Variants in RGS22 observed in about 807,000 individuals in gnomAD.
RGS22 encodes the protein regulator of G-protein signaling 22.
RGS22 carries 148 observed loss-of-function variants against 172.9 expected under a neutral mutation model. The ratio of observed to expected loss-of-function variants is 0.86; its 90% confidence interval spans 0.75 to 0.98. The LOEUF (loss-of-function observed/expected upper bound fraction) is 0.98. Ranked by LOEUF, RGS22 falls within the 50% of genes least tolerant of loss-of-function variation. The pLI, the probability that RGS22 is intolerant of heterozygous loss-of-function variation, is 0.00. For missense variants in RGS22, 1,347 were observed against 1,440.8 expected (o/e 0.93, Z 1.05); for synonymous variants, 458 against 480.2 (o/e 0.95, Z 0.60).
At chr8:99,977,531 G>T (rs943295844) in intron 23 of RGS22, among the ~76,000 whole-genome samples, 2 of 151,950 alleles carry the variant, frequency 1.3e-5, no homozygotes, top group Non-Finnish European at 2.9e-5. Context: ...GCATGTGCTG[G>T]ACACTAGTGT....
chr8:100,013,621 C>T (rs1288109096), intron 14 of RGS22, among the ~76,000 whole-genome samples: 3 of 152,116 alleles, frequency 2.0e-5, no homozygotes, highest in Non-Finnish European at 4.4e-5. Flanking sequence ...TTAAATTTTG[C>T]TTTATGGTTT....
rs538020854 is a variant in RGS22 at position 99,964,507 on chromosome 8, C to G, written c.3615+828G>C. 5.3e-5 allele frequency among the ~76,000 whole-genome samples: 8 copies of G among 150,142 alleles called. No homozygotes were observed. The South Asian group carries it at 1.7e-3, about 32-fold the overall frequency. ...AAAAAAAAAAAAAAAAAAGCAGCAG[C>G]CTGATATCTCTAACTGGACCCTGAT... On this transcript the variant is annotated intron_variant, in intron 24 of 27. Coordinates refer to ENST00000360863, the MANE Select transcript of RGS22 (RefSeq NM_015668.5).
At chr8:99,997,269 C>T in intron 19 of RGS22, among the ~76,000 whole-genome samples, 1 of 152,008 alleles carries the variant, frequency 6.6e-6, no homozygotes, top group East Asian at 1.9e-4. Flanking sequence ...TGCTGGCCAC[C>T]TAAAGAATGC....
intron 14 of RGS22, among the ~76,000 whole-genome samples, chr8:100,031,018 G>C (rs186665544): frequency 3.5e-4 from 53 of 152,302 alleles, no homozygotes; most frequent in Admixed American, 2.6e-3. Context: ...ATTTATTTGA[G>C]AGAAGGATGA....
rs185725001 is a variant in RGS22, at chr8:99,967,761, C to A, written c.3520-2331G>T. Reference sequence around the variant, plus strand: ...GGGCTTATAGATCAAACTCCCAACTCCCTGGGACAGAGCACCTGGGGGACG... The same window carrying A: ...GGGCTTATAGATCAAACTCCCAACTACCTGGGACAGAGCACCTGGGGGACG... On this transcript the variant is annotated intron_variant, in intron 23 of 27. Coordinates refer to ENST00000360863, the MANE Select transcript of RGS22 (RefSeq NM_015668.5). Among the ~76,000 whole-genome samples the A allele has an allele frequency of 3.4e-3, 514 of 152,328 alleles. 2 individuals carry two copies. The highest frequency in any genetic ancestry group is 0.01 in the Middle Eastern group (3 of 294).
intron 14 of RGS22, among the ~76,000 whole-genome samples, chr8:100,023,636 C>T (rs1357846117): frequency 1.3e-5 from 2 of 152,052 alleles, no homozygotes; most frequent in African/African-American, 2.4e-5. Context: ...GGCCTCACCA[C>T]GTTGTTCATG....
chr8:100,006,110 C>G lies in RGS22; in HGVS notation c.2362-1G>C, dbSNP rs754999021. On this transcript the variant is annotated splice_acceptor_variant, in intron 15 of 27. Coordinates refer to ENST00000360863, the MANE Select transcript of RGS22 (RefSeq NM_015668.5). LOFTEE classifies it high-confidence loss of function. ...GTCGAGTTTCTTCCACCAGCTCCACCTAAAAAAAATAAATAAAGCTTGTGA... is the reference window on the plus strand; with the variant it reads ...GTCGAGTTTCTTCCACCAGCTCCACGTAAAAAAAATAAATAAAGCTTGTGA... The G allele has an allele frequency of 1.1e-4, 179 of 1,608,178 alleles. No homozygotes were observed. The highest frequency in any genetic ancestry group is 1.4e-4 in the Non-Finnish European group (163 of 1,176,994).
At chr8:99,962,018 T>C (rs1810251859) in intron 27 of RGS22, among the ~76,000 whole-genome samples, 1 of 152,142 alleles carries the variant, frequency 6.6e-6, no homozygotes, top group African/African-American at 2.4e-5. Flanking sequence ...CAAAACTGTA[T>C]AATCACCTCA....
intron 4 of RGS22, among the ~76,000 whole-genome samples, chr8:100,073,650 G>A (rs1162738349): frequency 6.6e-6 from 1 of 152,090 alleles, no homozygotes; most frequent in East Asian, 1.9e-4. Flanking sequence ...ACTCCTGAAC[G>A]CCCACTAGCG....
chr8:99,996,621 G>T, intron 19 of RGS22, 91 bp from the exon 20 acceptor site: 1 of 1,063,556 alleles, frequency 9.4e-7, no homozygotes, highest in Non-Finnish European at 1.4e-6. Context: ...ATGAGATAAA[G>T]GTTAACTTGG....
chr8:100,022,876 C>T (rs1243924621), intron 14 of RGS22, among the ~76,000 whole-genome samples: 1 of 152,002 alleles, frequency 6.6e-6, no homozygotes, highest in Non-Finnish European at 1.5e-5. Flanking sequence ...TACAGGTGCA[C>T]ACCACCAAAC....
At chr8:99,979,527 C>T (rs1159617827) in intron 22 of RGS22, among the ~76,000 whole-genome samples, 1 of 152,074 alleles carries the variant, frequency 6.6e-6, no homozygotes, top group Non-Finnish European at 1.5e-5. Flanking sequence ...TAAATAATGG[C>T]TTTAGTATGA....
chr8:100,054,597 A>G (rs2131719307), intron 9 of RGS22, among the ~76,000 whole-genome samples: 1 of 152,276 alleles, frequency 6.6e-6, no homozygotes, highest in South Asian at 2.1e-4. Flanking sequence ...TGTCTCTAAG[A>G]AAATTTAAAA....
At chr8:100,017,907 T>C (rs1563621803) in intron 14 of RGS22, among the ~76,000 whole-genome samples, 1 of 152,178 alleles carries the variant, frequency 6.6e-6, no homozygotes, top group Non-Finnish European at 1.5e-5. Context: ...GCTCCCTTCA[T>C]ATTCCAGTCA....
At chr8:100,096,788 C>G (rs1442445349) in intron 2 of RGS22, among the ~76,000 whole-genome samples, 2 of 150,728 alleles carry the variant, frequency 1.3e-5, no homozygotes, top group African/African-American at 4.9e-5. Flanking sequence ...GGATTACAAG[C>G]ATGAGCCAAC....
chr8:100,005,621 G>C (rs554639195), intron 16 of RGS22, among the ~76,000 whole-genome samples: 27 of 152,062 alleles, frequency 1.8e-4, no homozygotes, highest in African/African-American at 5.1e-4. Context: ...CCCTATCGCT[G>C]TCACGCAACA....
At chr8:100,011,384 A>G (rs1444977570) in intron 14 of RGS22, among the ~76,000 whole-genome samples, 4 of 152,106 alleles carry the variant, frequency 2.6e-5, no homozygotes, top group South Asian at 2.1e-4. Context: ...GCTTTTTTGC[A>G]GTAGCCTCTT....
intron 4 of RGS22, among the ~76,000 whole-genome samples, chr8:100,078,160 T>A (rs13340637): frequency 0.019 from 2,839 of 152,210 alleles, 54 homozygotes; most frequent in African/African-American, 0.057. Flanking sequence ...GGGATTTTTT[T>A]AAAAAATCAT....
chr8:100,100,478 C>T (rs148831891), intron 2 of RGS22, among the ~76,000 whole-genome samples: 4,364 of 152,038 alleles, frequency 0.029, 87 homozygotes, highest in Non-Finnish European at 0.048. Context: ...TTGGTAGAGA[C>T]GCAGTTTCAC....
Sources: gnomAD v4.1 joint callset for allele counts (sites outside exome capture counted in the v4.1 genomes callset) on GRCh38, gnomAD v4.1.1 for gene constraint, MANE v1.5 for transcripts, NCBI Gene and HGNC (gene_info 2026-07-23, HGNC 2026-07-21) for gene names.